The following RALYL variants were observed in gnomAD, a reference collection of about 807,000 sequenced individuals.
RALYL encodes RNA-binding Raly-like protein.
In RALYL, 29 loss-of-function variants were observed where a neutral mutation model predicts 35.1. The observed-to-expected ratio is 0.83, with a 90% CI of 0.61 to 1.13. The LOEUF (loss-of-function observed/expected upper bound fraction) is 1.13, where lower values mean the gene tolerates loss of function less well. Among genes scored for constraint, RALYL ranks in the 50% most tolerant of loss-of-function variants. The pLI is 0.00. For synonymous variants in RALYL, 120 were observed against 127.6 expected (o/e 0.94, Z 0.40); for missense variants, 359 against 360.4 (o/e 1.00, Z 0.03).
chr8:84,322,009 A>G lies in RALYL; in HGVS notation c.-24+137585A>G, dbSNP rs1333124968. On this transcript the variant is annotated intron_variant, in intron 1 of 8. Coordinates refer to ENST00000521268, the MANE Select transcript of RALYL (RefSeq NM_173848.7). ...AACATGCATGTACCTAACAACAGAT[A>G]TCAAAATATGTGACAAAAAACCTGA... Among the ~76,000 whole-genome samples, 4 of 152,240 alleles carry G rather than the reference A, an allele frequency of 2.6e-5. No individual in the cohort carries two copies. The East Asian group carries it at 7.7e-4, about 29-fold the overall frequency.
chr8:84,487,181 A>G (rs191958034), intron 1 of RALYL, among the ~76,000 whole-genome samples: 147 of 152,242 alleles, frequency 9.7e-4, no homozygotes, highest in African/African-American at 2.9e-3. Flanking sequence ...GTTTGAAACT[A>G]ATAAGCAAAG....
At chr8:84,332,779 G>A (rs549885738) in intron 1 of RALYL, among the ~76,000 whole-genome samples, 1 of 152,218 alleles carries the variant, frequency 6.6e-6, no homozygotes, top group South Asian at 2.1e-4. Context: ...CCCAGATAGT[G>A]GCAGCAAAGA....
chr8:84,787,549 G>C (rs1819831458), intron 3 of RALYL, among the ~76,000 whole-genome samples: 1 of 152,168 alleles, frequency 6.6e-6, no homozygotes, highest in Non-Finnish European at 1.5e-5. Context: ...TAATGGGATT[G>C]CTGAGTCAAA....
intron 2 of RALYL, among the ~76,000 whole-genome samples, chr8:84,610,346 T>C (rs961887411): frequency 6.6e-6 from 1 of 152,032 alleles, no homozygotes; most frequent in Admixed American, 6.6e-5. Flanking sequence ...TTCTTTTCTG[T>C]TGTATTTTGT....
At chr8:84,534,437 A>G (rs1012944253) in intron 2 of RALYL, among the ~76,000 whole-genome samples, 2 of 152,124 alleles carry the variant, frequency 1.3e-5, no homozygotes, top group African/African-American at 4.8e-5. Flanking sequence ...TTGTATTTTT[A>G]TATTTATTAT....
At chr8:84,356,863 GGT>G (rs1352096533) in intron 1 of RALYL, among the ~76,000 whole-genome samples, 378 of 136,808 alleles carry the variant, frequency 2.8e-3, no homozygotes, top group African/African-American at 9.1e-3. Context: ...TTCAAATTGA[GGT>G]AATTGGATTC....
intron 1 of RALYL, among the ~76,000 whole-genome samples, chr8:84,230,937 C>T (rs189748387): frequency 6.6e-6 from 1 of 152,188 alleles, no homozygotes; most frequent in Non-Finnish European, 1.5e-5. Context: ...CCATGCTACA[C>T]CACCTCTGTT....
chr8:84,636,700 G>T (rs767537905), intron 2 of RALYL, among the ~76,000 whole-genome samples: 1 of 151,594 alleles, frequency 6.6e-6, no homozygotes, highest in Non-Finnish European at 1.5e-5. Context: ...TGACAAACAG[G>T]GCTATTCCAC....
chr8:84,539,848 A>ATG (rs2059880715), intron 2 of RALYL, among the ~76,000 whole-genome samples: 15 of 11,180 alleles, frequency 1.3e-3, no homozygotes, highest in African/African-American at 2.2e-3. Context: ...ATATATATAT[A>ATG]TATATGTATA....
intron 1 of RALYL, among the ~76,000 whole-genome samples, chr8:84,294,976 C>T (rs1372045056): frequency 6.6e-6 from 1 of 152,048 alleles, no homozygotes; most frequent in African/African-American, 2.4e-5. Flanking sequence ...AATTCTCCTG[C>T]ATTGATTGCT....
chr8:84,821,386 T>A (rs1487030782), intron 4 of RALYL, among the ~76,000 whole-genome samples: 2 of 152,216 alleles, frequency 1.3e-5, no homozygotes, highest in African/African-American at 4.8e-5. Context: ...TCTGGGACTT[T>A]TGCTTACAAA....
intron 2 of RALYL, among the ~76,000 whole-genome samples, chr8:84,755,292 G>A (rs778503305): frequency 1.3e-5 from 2 of 152,080 alleles, no homozygotes; most frequent in Non-Finnish European, 2.9e-5. Context: ...GTATATACAT[G>A]GTAGGAAAAT....
At chr8:84,416,843 C>A (rs1019258674) in intron 1 of RALYL, among the ~76,000 whole-genome samples, 1 of 152,158 alleles carries the variant, frequency 6.6e-6, no homozygotes, top group African/African-American at 2.4e-5. Context: ...TTACCCAATT[C>A]TTAAAGTTGC....
At chr8:84,435,052 G>A (rs902481342) in intron 1 of RALYL, among the ~76,000 whole-genome samples, 3 of 152,118 alleles carry the variant, frequency 2.0e-5, no homozygotes, top group Non-Finnish European at 2.9e-5. Context: ...CTTTTAGATG[G>A]AAGGAGAATG....
chr8:84,874,333 T>G (rs1257390908), intron 7 of RALYL, among the ~76,000 whole-genome samples: 1 of 152,204 alleles, frequency 6.6e-6, no homozygotes, highest in Non-Finnish European at 1.5e-5. Flanking sequence ...CTCTTCATTT[T>G]GCAGATGAGA....
chr8:84,427,108 A>G (rs1554662950), intron 1 of RALYL, among the ~76,000 whole-genome samples: 1 of 152,200 alleles, frequency 6.6e-6, no homozygotes, highest in Non-Finnish European at 1.5e-5. Flanking sequence ...TCAAAGGCTT[A>G]TTTTCTAAGA....
chr8:84,563,476 C>A lies in RALYL; in HGVS notation c.256+33899C>A, dbSNP rs1189958087. 3.3e-5 allele frequency among the ~76,000 whole-genome samples: 5 copies of A among 151,826 alleles called. No homozygotes were observed. The South Asian group carries it at 1.0e-3, about 31-fold the overall frequency. On this transcript the variant is annotated intron_variant, in intron 2 of 8. Transcript: ENST00000521268. Reference sequence around the variant, plus strand: ...AACCTTTATATGAGTTAAGTACAGTCTCTTCTTAGAGTCTTATCTTAGAAG... The same window carrying A: ...AACCTTTATATGAGTTAAGTACAGTATCTTCTTAGAGTCTTATCTTAGAAG...
intron 7 of RALYL, among the ~76,000 whole-genome samples, chr8:84,877,220 C>T (rs566007104): frequency 6.6e-6 from 1 of 152,242 alleles, no homozygotes; most frequent in South Asian, 2.1e-4. Context: ...GCCGCGGTGG[C>T]TCACACCTGT....
intron 8 of RALYL, among the ~76,000 whole-genome samples, chr8:84,890,596 C>G (rs564279437): frequency 6.6e-6 from 1 of 152,242 alleles, no homozygotes; most frequent in African/African-American, 2.4e-5. Context: ...CTGAGAGATT[C>G]TGATTCAGTA....
Sources: allele counts gnomAD v4.1 joint callset (sites outside exome capture counted in the v4.1 genomes callset), GRCh38; gene constraint gnomAD v4.1.1; transcripts MANE v1.5; gene names NCBI Gene and HGNC (gene_info 2026-07-23, HGNC 2026-07-21).